PRICKLE1: variants seen among roughly 807,000 people sequenced by gnomAD.
PRICKLE1 encodes the protein prickle-like protein 1.
A neutral mutation model predicts 70.2 loss-of-function variants in PRICKLE1; 14 were observed. That is an observed-to-expected ratio of 0.20 (90% confidence interval 0.13 to 0.31). The LOEUF is 0.31. PRICKLE1 is among the 10% of genes least tolerant of loss of function. PRICKLE1 has a pLI of 1.00. For missense variants in PRICKLE1, 821 were observed against 1,026.2 expected (o/e 0.80, Z 2.73); for synonymous variants, 357 against 379.9 (o/e 0.94, Z 0.70).
Position 42,460,549 on chromosome 12 carries a change from A to G in PRICKLE1, c.1756T>C (p.Ser586Pro), listed in dbSNP as rs1937788470. The G allele has an allele frequency of 6.2e-7, 1 of 1,613,952 alleles. No individual in the cohort carries two copies. The highest frequency in any genetic ancestry group is 2.2e-5 in the East Asian group (1 of 44,884). ...GACTCTGCACTCCTGTGCAGCATGG[A>G]AGAGTTCAAAGTTCCCATATTGCTC... ...KMSNMGTLNS[S>P]MLHRSAESLK... The change falls in exon 8 of 8, where the codon TCC becomes CCC. Residue 586 changes from serine (S) to proline (P), a missense_variant. By Grantham distance (74) the Ser-to-Pro change is moderately conservative (BLOSUM62 -1). Coordinates refer to ENST00000345127, the MANE Select transcript of PRICKLE1 (RefSeq NM_153026.3).
At chr12:42,539,592 A>T (rs574332669) in intron 1 of PRICKLE1, among the ~76,000 whole-genome samples, 1 of 152,258 alleles carries the variant, frequency 6.6e-6, no homozygotes, top group Admixed American at 6.5e-5. Context: ...TCTTGTTATG[A>T]GCACAATTCT....
chr12:42,478,970 T>C (rs934142218), intron 1 of PRICKLE1, among the ~76,000 whole-genome samples: 3 of 152,246 alleles, frequency 2.0e-5, no homozygotes, highest in African/African-American at 7.2e-5. Flanking sequence ...TGGAATCTGA[T>C]GCTCTCAGCA....
intron 1 of PRICKLE1, among the ~76,000 whole-genome samples, chr12:42,498,819 T>G (rs1031549631): frequency 3.3e-5 from 5 of 152,166 alleles, no homozygotes; most frequent in African/African-American, 1.2e-4. Context: ...TTTCTTCTAC[T>G]TGGAGCCATC....
chr12:42,503,312 C>G (rs542362711), intron 1 of PRICKLE1, among the ~76,000 whole-genome samples: 19 of 152,234 alleles, frequency 1.2e-4, no homozygotes, highest in African/African-American at 3.6e-4. Context: ...ACATTTCACA[C>G]CTGTTACTTA....
At chr12:42,550,228 G>C (rs2120647413) in intron 1 of PRICKLE1, 1 of 152,594 alleles carries the variant, frequency 6.6e-6, no homozygotes, top group East Asian at 1.9e-4. Context: ...AGCTACTCAG[G>C]AGGCCAAGGT....
In PRICKLE1 at chr12:42,460,122, G is replaced by A; in HGVS notation, c.2183C>T (p.Ala728Val). ...AREIQAYIQN[A>V]DLYGQYAHAT... ...ATGGGCGTACTGTCCGTAGAGATCA[G>A]CATTCTGGATGTATGCTTGGATCTC... The change falls in exon 8 of 8, where the codon GCT becomes GTT. Residue 728 changes from alanine (A) to valine (V), a missense_variant. Transcript: ENST00000345127. 3 of 1,614,114 alleles carry A rather than the reference G, an allele frequency of 1.9e-6. No individual in the cohort carries two copies. Among genetic ancestry groups the A allele is most frequent in the South Asian group, 1.1e-5 (1 of 91,068 alleles).
chr12:42,522,874 G>T (rs554414702), intron 1 of PRICKLE1, among the ~76,000 whole-genome samples: 426 of 152,102 alleles, frequency 2.8e-3, no homozygotes, highest in African/African-American at 9.7e-3. Context: ...CAAGTTTTGT[G>T]CCATGCATTT....
chr12:42,578,364 T>C (rs930150062), intron 1 of PRICKLE1, among the ~76,000 whole-genome samples: 2 of 152,146 alleles, frequency 1.3e-5, no homozygotes, highest in African/African-American at 4.8e-5. Flanking sequence ...CACAAGCCTC[T>C]CTGAAGATTC....
intron 1 of PRICKLE1, among the ~76,000 whole-genome samples, chr12:42,504,269 G>C (rs1406892805): frequency 6.6e-6 from 1 of 152,178 alleles, no homozygotes; most frequent in Non-Finnish European, 1.5e-5. Context: ...ATGGTGCCAA[G>C]AAAAGAAACT....
At chr12:42,515,004 G>A (rs762181942) in intron 1 of PRICKLE1, among the ~76,000 whole-genome samples, 3 of 151,926 alleles carry the variant, frequency 2.0e-5, no homozygotes, top group Non-Finnish European at 4.4e-5. Context: ...TCTTGGCACT[G>A]CAACTTCCGC....
At chr12:42,487,917 G>A (rs1267008255) in intron 1 of PRICKLE1, among the ~76,000 whole-genome samples, 1 of 152,098 alleles carries the variant, frequency 6.6e-6, no homozygotes, top group Non-Finnish European at 1.5e-5. Flanking sequence ...ATGGTGGCGG[G>A]CGCCTGTAGT....
intron 1 of PRICKLE1, among the ~76,000 whole-genome samples, chr12:42,548,530 G>A (rs1437615733): frequency 6.6e-6 from 1 of 152,168 alleles, no homozygotes; most frequent in African/African-American, 2.4e-5. Context: ...ATGCACACTG[G>A]AATAACTAAC....
intron 1 of PRICKLE1, among the ~76,000 whole-genome samples, chr12:42,493,254 T>C (rs1939136337): frequency 6.6e-6 from 1 of 152,176 alleles, no homozygotes; most frequent in African/African-American, 2.4e-5. Flanking sequence ...GATAAATGCT[T>C]GAGGTGACGG....
chr12:42,536,666 T>G (rs2708035), intron 1 of PRICKLE1, among the ~76,000 whole-genome samples: 150,866 of 152,258 alleles, frequency 0.99, 74,760 homozygotes, highest in Middle Eastern at 1. Flanking sequence ...TGTGTAGAAG[T>G]TTCTCATTTC....
intron 1 of PRICKLE1, among the ~76,000 whole-genome samples, chr12:42,482,178 T>C (rs1369369296): frequency 1.3e-5 from 2 of 152,276 alleles, no homozygotes; most frequent in African/African-American, 4.8e-5. Flanking sequence ...CTATCCATTT[T>C]TCCAAGAGGA....
chr12:42,519,314 G>A (rs1413293152), intron 1 of PRICKLE1, among the ~76,000 whole-genome samples: 4 of 145,356 alleles, frequency 2.8e-5, no homozygotes, highest in African/African-American at 5.1e-5. Flanking sequence ...CTCCTGCCTC[G>A]GCCTCCCGAG....
At chr12:42,477,745 A>G (rs1430614572) in intron 1 of PRICKLE1, among the ~76,000 whole-genome samples, 1 of 151,900 alleles carries the variant, frequency 6.6e-6, no homozygotes. Context: ...CAGACCTAAT[A>G]GAAAAATTCT....
At chr12:42,485,530 T>C (rs529329483) in intron 1 of PRICKLE1, 1 of 152,294 alleles carries the variant, frequency 6.6e-6, no homozygotes, top group East Asian at 1.9e-4. Context: ...AATACCTAGG[T>C]CAGATTTCCT....
At chr12:42,534,588 G>A (rs1939986355) in intron 1 of PRICKLE1, among the ~76,000 whole-genome samples, 1 of 152,178 alleles carries the variant, frequency 6.6e-6, no homozygotes. Context: ...GTAGCCCTTT[G>A]AGATAGATAT....
Sources: gnomAD v4.1 joint callset for allele counts (sites outside exome capture counted in the v4.1 genomes callset) on GRCh38, gnomAD v4.1.1 for gene constraint, MANE v1.5 for transcripts, NCBI Gene and HGNC (gene_info 2026-07-23, HGNC 2026-07-21) for gene names.